Variants in TAFA2 observed in about 807,000 individuals in gnomAD.
The protein encoded by TAFA2 is TAFA chemokine like family member 2, also known as chemokine-like protein TAFA-2.
In TAFA2, 7 loss-of-function variants were observed where a neutral mutation model predicts 18.8. That is an observed-to-expected ratio of 0.37 (90% CI 0.21 to 0.70). The LOEUF is 0.70. TAFA2 is among the 30% of genes least tolerant of loss of function. TAFA2 has a pLI of 0.53. For missense variants in TAFA2, 122 were observed against 158.1 expected (o/e 0.77, Z 1.23); for synonymous variants, 60 against 54.2 (o/e 1.11, Z -0.47).
At chr12:62,233,452 G>A (rs2062821818) in intron 1 of TAFA2, among the ~76,000 whole-genome samples, 1 of 152,018 alleles carries the variant, frequency 6.6e-6, no homozygotes, top group Non-Finnish European at 1.5e-5. Flanking sequence ...AGCCTGTTTT[G>A]CCCACCATTG....
chr12:62,041,235 C>T (rs1056105007), intron 1 of TAFA2, among the ~76,000 whole-genome samples: 3 of 152,076 alleles, frequency 2.0e-5, no homozygotes, highest in Admixed American at 6.6e-5. Context: ...CACCTTTCAT[C>T]GGTCAGAAAA....
intron 4 of TAFA2, among the ~76,000 whole-genome samples, chr12:61,750,905 T>G (rs1278026388): frequency 6.6e-6 from 1 of 152,122 alleles, no homozygotes; most frequent in Non-Finnish European, 1.5e-5. Flanking sequence ...CTACATAACT[T>G]CTGGCCTTTC....
At chr12:61,799,302 G>T (rs1469126424) in intron 2 of TAFA2, among the ~76,000 whole-genome samples, 2 of 152,102 alleles carry the variant, frequency 1.3e-5, no homozygotes, top group Admixed American at 1.3e-4. Context: ...CTTTTGAGAA[G>T]AAGTCACACT....
At chr12:61,816,533 T>C (rs189847720) in intron 2 of TAFA2, among the ~76,000 whole-genome samples, 2 of 151,500 alleles carry the variant, frequency 1.3e-5, no homozygotes, top group East Asian at 1.9e-4. Flanking sequence ...CCTGAGTATA[T>C]ACCCAGTAAT....
intron 1 of TAFA2, among the ~76,000 whole-genome samples, chr12:61,995,018 A>T (rs577239392): frequency 3.2e-4 from 49 of 152,252 alleles, no homozygotes; most frequent in African/African-American, 1.2e-3. Flanking sequence ...TATTTCTCCA[A>T]TTAGCCACTC....
intron 1 of TAFA2, among the ~76,000 whole-genome samples, chr12:62,202,879 G>C (rs1471356308): frequency 7.8e-6 from 1 of 128,520 alleles, no homozygotes; most frequent in African/African-American, 2.9e-5. Context: ...CCAGGCTAGA[G>C]TGCAGTGGTG....
intron 1 of TAFA2, among the ~76,000 whole-genome samples, chr12:61,971,733 G>T (rs1225860127): frequency 6.6e-6 from 1 of 151,112 alleles, no homozygotes; most frequent in East Asian, 2.0e-4. Flanking sequence ...TGGGGTAGGG[G>T]GCTGGGGGAG....
At chr12:61,893,767 CACAT>C (rs768353700) in intron 1 of TAFA2, among the ~76,000 whole-genome samples, 4 of 152,284 alleles carry the variant, frequency 2.6e-5, no homozygotes, top group Admixed American at 1.3e-4. Context: ...ATTATATACT[CACAT>C]AAACAAATAT....
At chr12:61,727,752 G>A (rs1490127746) in intron 4 of TAFA2, among the ~76,000 whole-genome samples, 1 of 151,764 alleles carries the variant, frequency 6.6e-6, no homozygotes, top group Middle Eastern at 3.2e-3. Context: ...CTTCTGCTGG[G>A]TATGGGTTTG....
intron 1 of TAFA2, among the ~76,000 whole-genome samples, chr12:62,232,718 G>A (rs1218641167): frequency 6.6e-6 from 1 of 152,010 alleles, no homozygotes; most frequent in Non-Finnish European, 1.5e-5. Flanking sequence ...CACCATGATG[G>A]CCAGGCTGGT....
At chr12:62,220,318 A>C (rs1282709227) in intron 1 of TAFA2, among the ~76,000 whole-genome samples, 1 of 152,170 alleles carries the variant, frequency 6.6e-6, no homozygotes, top group Non-Finnish European at 1.5e-5. Flanking sequence ...CAAGACAAAA[A>C]ATTTTTAAAA....
chr12:62,240,427 A>G (rs2136989372), intron 1 of TAFA2, among the ~76,000 whole-genome samples: 2 of 152,240 alleles, frequency 1.3e-5, no homozygotes, highest in South Asian at 4.1e-4. Context: ...TCAGGGAAAA[A>G]AAAAAAACTA....
intron 1 of TAFA2, among the ~76,000 whole-genome samples, chr12:62,034,167 C>CT (rs1183002913): frequency 6.6e-6 from 1 of 152,130 alleles, no homozygotes; most frequent in Non-Finnish European, 1.5e-5. Context: ...GATTTGATGC[C>CT]TTTTAACTCC....
intron 4 of TAFA2, among the ~76,000 whole-genome samples, chr12:61,716,405 G>T (rs1869661889): frequency 6.6e-6 from 1 of 152,056 alleles, no homozygotes; most frequent in South Asian, 2.1e-4. Flanking sequence ...ATGCAGATTT[G>T]CAAATTTCCC....
intron 1 of TAFA2, among the ~76,000 whole-genome samples, chr12:62,037,680 C>T (rs533825953): frequency 6.6e-6 from 1 of 152,280 alleles, no homozygotes; most frequent in Admixed American, 6.5e-5. Context: ...TCCAAGAAAA[C>T]TTACATACCA....
At chr12:62,021,938 C>T (rs1881154892) in intron 1 of TAFA2, 2 of 722,134 alleles carry the variant, frequency 2.8e-6, no homozygotes. Context: ...TGCAACACAC[C>T]ATGGCAGGCC....
chr12:61,837,041 A>C (rs928776602), intron 2 of TAFA2, among the ~76,000 whole-genome samples: 2 of 151,500 alleles, frequency 1.3e-5, no homozygotes, highest in Non-Finnish European at 2.9e-5. Flanking sequence ...AAAATTTAGA[A>C]AGTTTTTTAA....
intron 1 of TAFA2, chr12:61,879,313 C>T (rs1875005894): frequency 4.0e-6 from 2 of 502,348 alleles, no homozygotes; most frequent in Admixed American, 3.0e-5. Flanking sequence ...ACTCCTGCCT[C>T]CACCATGTCC....
intron 1 of TAFA2, among the ~76,000 whole-genome samples, chr12:62,093,545 G>C (rs183663642): frequency 2.0e-5 from 3 of 152,012 alleles, no homozygotes; most frequent in Admixed American, 1.3e-4. Context: ...AGACCCCCTG[G>C]GGAAGTCTGT....
Sources: gnomAD v4.1 joint callset for allele counts (sites outside exome capture counted in the v4.1 genomes callset) on GRCh38, gnomAD v4.1.1 for gene constraint, MANE v1.5 for transcripts, NCBI Gene and HGNC (gene_info 2026-07-23, HGNC 2026-07-21) for gene names.